The following CUX1 variants were observed in gnomAD, a reference collection of about 807,000 sequenced individuals.
CUX1 encodes cut like homeobox 1, also known as protein CASP.
A neutral mutation model predicts 158.8 loss-of-function variants in CUX1; 31 were observed. The ratio of observed to expected loss-of-function variants is 0.20; its 90% CI spans 0.15 to 0.26. The LOEUF is 0.26. CUX1 is among the 10% of genes least tolerant of loss of function. The pLI is 1.00. For missense variants in CUX1, 1,589 were observed against 2,014.6 expected (o/e 0.79, Z 4.04); for synonymous variants, 879 against 862.1 (o/e 1.02, Z -0.34).
chr7:101,997,947 C>T lies in CUX1; in HGVS notation c.142-30151C>T, dbSNP rs541783996. Among the ~76,000 whole-genome samples the T allele has an allele frequency of 2.6e-5, 4 of 151,230 alleles. No individual in the cohort carries two copies. In the East Asian group the frequency reaches 7.7e-4, roughly 29 times the overall value. On this transcript the variant is annotated intron_variant, in intron 2 of 23. Transcript: ENST00000292535. ...AGTCCTTGCTGGCCTGACTCATATT[C>T]CTGAGTCTCAGGGGTTCCTGTGCCA...
intron 3 of CUX1, among the ~76,000 whole-genome samples, chr7:102,030,014 CT>C (rs1193128464): frequency 2.9e-3 from 411 of 141,744 alleles, no homozygotes; most frequent in Non-Finnish European, 2.9e-3. Context: ...TACCTGTATG[CT>C]TTTTTTTTTT....
intron 2 of CUX1, among the ~76,000 whole-genome samples, chr7:102,023,012 C>T (rs548832161): frequency 5.3e-5 from 8 of 152,170 alleles, no homozygotes; most frequent in African/African-American, 1.9e-4. Context: ...GTCAGGAGTT[C>T]GAGACCAGCC....
At chr7:102,218,887 T>G (rs1457761652) in intron 20 of CUX1, among the ~76,000 whole-genome samples, 2 of 150,966 alleles carry the variant, frequency 1.3e-5, no homozygotes, top group African/African-American at 4.9e-5. Context: ...GCCCCCCATC[T>G]CCACAAAAAA....
At position 101,983,583 on chromosome 7, in the gene CUX1, G is replaced by A. The variant is rs117867639; in HGVS notation, c.142-44515G>A. On this transcript the variant is annotated intron_variant, in intron 2 of 23. Transcript: ENST00000292535. ...GTTTACTTGGCCCATGGTTCTGCAG[G>A]TTGTACAAGAAGCATGACGCCAGCA... Among the ~76,000 whole-genome samples the A allele has an allele frequency of 8.1e-3, 1,240 of 152,308 alleles. 11 individuals carry two copies. The highest frequency in any genetic ancestry group is 0.012 in the Non-Finnish European group (788 of 68,020).
intron 2 of CUX1, among the ~76,000 whole-genome samples, chr7:102,013,736 G>C (rs897613012): frequency 6.6e-6 from 1 of 152,146 alleles, no homozygotes; most frequent in Admixed American, 6.6e-5. Flanking sequence ...GAAAGGGCTT[G>C]TTCTGTCTCC....
chr7:102,030,461 C>T (rs1198797553), intron 3 of CUX1, among the ~76,000 whole-genome samples: 2 of 151,552 alleles, frequency 1.3e-5, no homozygotes, highest in Non-Finnish European at 1.5e-5. Flanking sequence ...GTGGAAGGCT[C>T]CCGAAGTTAA....
chr7:101,964,146 G>A (rs1810850114), intron 2 of CUX1, among the ~76,000 whole-genome samples: 1 of 152,070 alleles, frequency 6.6e-6, no homozygotes, highest in Non-Finnish European at 1.5e-5. Flanking sequence ...GAGGTTAGGA[G>A]TTCGAGACCA....
chr7:101,866,971 T>C (rs1414839183), intron 1 of CUX1, among the ~76,000 whole-genome samples: 1 of 152,082 alleles, frequency 6.6e-6, no homozygotes, highest in Non-Finnish European at 1.5e-5. Flanking sequence ...CTGTAATCCC[T>C]GCGCTTTGGG....
At chr7:101,974,573 T>A (rs997151571) in intron 2 of CUX1, among the ~76,000 whole-genome samples, 7 of 152,190 alleles carry the variant, frequency 4.6e-5, no homozygotes, top group African/African-American at 1.7e-4. Context: ...TGGGATCTAA[T>A]TCTATAATCT....
intron 8 of CUX1, among the ~76,000 whole-genome samples, chr7:102,127,579 G>T (rs1474519672): frequency 3.7e-5 from 5 of 134,760 alleles, no homozygotes; most frequent in South Asian, 2.4e-4. Flanking sequence ...TTTTGTTTTT[G>T]TTTTTTTTTT....
chr7:102,068,515 G>T (rs966544453), intron 3 of CUX1, among the ~76,000 whole-genome samples: 2 of 152,124 alleles, frequency 1.3e-5, no homozygotes, highest in African/African-American at 4.8e-5. Flanking sequence ...CAGCTTGTTA[G>T]AAGTTGGAAA....
chr7:102,224,409 G>A (rs942310613), intron 20 of CUX1, among the ~76,000 whole-genome samples: 2 of 152,066 alleles, frequency 1.3e-5, no homozygotes, highest in Non-Finnish European at 2.9e-5. Flanking sequence ...GTTTCACCAC[G>A]TTGGCCAGGC....
intron 4 of CUX1, among the ~76,000 whole-genome samples, chr7:102,093,879 G>A (rs570678906): frequency 1.3e-5 from 2 of 152,184 alleles, no homozygotes; most frequent in South Asian, 4.1e-4. Context: ...GGGGTTACCG[G>A]ATTTTGTGTG....
intron 1 of CUX1, among the ~76,000 whole-genome samples, chr7:101,879,945 C>T (rs547428557): frequency 2.7e-4 from 41 of 152,208 alleles, no homozygotes; most frequent in African/African-American, 9.9e-4. Context: ...TGGTGGGTGG[C>T]GACAAACTGG....
At chr7:102,035,692 A>G (rs1821354084) in intron 3 of CUX1, among the ~76,000 whole-genome samples, 3 of 149,536 alleles carry the variant, frequency 2.0e-5, no homozygotes, top group South Asian at 2.1e-4. Context: ...AATGAATGTA[A>G]CAATACAAGG....
At chr7:101,953,791 C>T (rs1809412912) in intron 2 of CUX1, among the ~76,000 whole-genome samples, 1 of 149,402 alleles carries the variant, frequency 6.7e-6, no homozygotes, top group South Asian at 2.1e-4. Context: ...ACAGCCTTTG[C>T]TTTTAAGGGT....
At chr7:101,991,732 C>T (rs909171218) in intron 2 of CUX1, among the ~76,000 whole-genome samples, 19 of 148,838 alleles carry the variant, frequency 1.3e-4, no homozygotes, top group Non-Finnish European at 2.1e-4. Context: ...GCACTTCAGC[C>T]TGGGGAACAG....
chr7:102,195,935 G>A (rs1232224928), intron 14 of CUX1, among the ~76,000 whole-genome samples: 1 of 152,224 alleles, frequency 6.6e-6, no homozygotes, highest in Non-Finnish European at 1.5e-5. Flanking sequence ...ACAGAGGCCA[G>A]GGGCAGTGTG....
chr7:102,164,370 T>C (rs1329844867), intron 9 of CUX1, among the ~76,000 whole-genome samples: 1 of 152,204 alleles, frequency 6.6e-6, no homozygotes, highest in Non-Finnish European at 1.5e-5. Context: ...TCAGAGTCCG[T>C]GCTCAAAAAG....
Sources: gnomAD v4.1 joint callset for allele counts (sites outside exome capture counted in the v4.1 genomes callset) on GRCh38, gnomAD v4.1.1 for gene constraint, MANE v1.5 for transcripts, NCBI Gene and HGNC (gene_info 2026-07-23, HGNC 2026-07-21) for gene names.